The following FANCI variants were observed in gnomAD, a reference collection of about 807,000 sequenced individuals.
FANCI encodes the protein Fanconi anemia group I protein.
FANCI carries 156 observed loss-of-function variants against 176.1 expected under a neutral mutation model. The observed-to-expected ratio is 0.89, with a 90% confidence interval of 0.78 to 1.01. FANCI has a LOEUF of 1.01. Among genes scored for constraint, FANCI ranks in the 50% least tolerant of loss-of-function variants. The pLI is 0.00. For synonymous variants in FANCI, 613 were observed against 541.7 expected, an observed-to-expected ratio of 1.13 and a Z score of -1.83; for missense variants, 1,678 against 1,534.1, an observed-to-expected ratio of 1.09 and a Z score of -1.57.
At position 89,283,237 on chromosome 15, in the gene FANCI, T is replaced by G; in HGVS notation, c.1685T>G (p.Leu562Arg). The G allele has an allele frequency of 6.2e-7, 1 of 1,613,998 alleles. No individual in the cohort carries two copies. The highest frequency in any genetic ancestry group is 8.5e-7 in the Non-Finnish European group (1 of 1,179,844). The change falls in exon 17 of 38, where the codon CTC (leucine) becomes CGC (arginine). Residue 562 changes from leucine (L) to arginine (R), a missense_variant. This residue lies in a region of FANCI where 1,204 missense variants were observed against 1,077.4 expected (regional missense o/e 1.12). Transcript: ENST00000310775. The part of the protein sequence containing the change: ...SLSSSQCSQS[L>R]SVSQVHVDVH... ...TCATCCTCTCAGTGCAGTCAGTCTC[T>G]CAGTGTCAGTCAGGTAAGGATTATT...
Position 89,299,901 on chromosome 15 carries a change from A to C in FANCI, c.2738A>C (p.Gln913Pro), listed in dbSNP as rs2054464207. Residue 913 changes from glutamine (Q) to proline (P), a missense_variant, in exon 25 of 38, where the codon CAG (glutamine) becomes CCG (proline). By Grantham distance (76) the Gln-to-Pro change is moderately conservative. This residue lies in a region of FANCI where 1,204 missense variants were observed against 1,077.4 expected (regional missense o/e 1.12). Transcript: ENST00000310775. Reference protein sequence around the residue: ...SISLLCLEGLQKIFSAVQQFY... With the variant: ...SISLLCLEGLPKIFSAVQQFY... ...TCACTGCTGTGCTTGGAGGGTTTAC[A>C]GAAAATATTCAGTGCTGTGCAACAG... 1.9e-6 allele frequency: 3 copies of C among 1,614,040 alleles called. No homozygotes were observed. The highest frequency in any genetic ancestry group is 2.2e-5 in the East Asian group (1 of 44,882).
At chr15:89,303,164 C>T (rs970226616) in intron 27 of FANCI, among the ~76,000 whole-genome samples, 3 of 152,206 alleles carry the variant, frequency 2.0e-5, no homozygotes, top group African/African-American at 7.2e-5. Context: ...CTTTTAATAT[C>T]AGTTTGTAGA....
chr15:89,257,067 C>T (rs1368558216), intron 2 of FANCI, among the ~76,000 whole-genome samples: 18 of 152,102 alleles, frequency 1.2e-4, no homozygotes, highest in African/African-American at 2.9e-4. Context: ...CCACCACGCC[C>T]GGCTAATTTT....
At chr15:89,248,544 T>A (rs2052091962) in intron 2 of FANCI, among the ~76,000 whole-genome samples, 1 of 152,180 alleles carries the variant, frequency 6.6e-6, no homozygotes, top group Admixed American at 6.5e-5. Flanking sequence ...TTTGAAATTA[T>A]CCAAGATTGC....
chr15:89,291,784 T>C, intron 20 of FANCI, 70 bp downstream of exon 20: 1 of 1,188,128 alleles, frequency 8.4e-7, no homozygotes, highest in Admixed American at 1.7e-5. Flanking sequence ...TGCAAAGAGA[T>C]ACCTTTCCCT....
intron 32 of FANCI, 141 bp from the exon 33 acceptor site, chr15:89,307,335 G>A: frequency 2.6e-6 from 2 of 772,300 alleles, no homozygotes; most frequent in Non-Finnish European, 4.4e-6. Context: ...GAGGAATAAG[G>A]AAGCTTGTGT....
intron 18 of FANCI, among the ~76,000 whole-genome samples, chr15:89,286,138 A>G (rs1428212550): frequency 1.3e-5 from 2 of 151,978 alleles, no homozygotes; most frequent in Non-Finnish European, 2.9e-5. Flanking sequence ...GATTACAGCC[A>G]TGCACCACCA....
intron 34 of FANCI, among the ~76,000 whole-genome samples, chr15:89,312,565 A>G (rs1257731613): frequency 6.6e-6 from 1 of 152,234 alleles, no homozygotes; most frequent in East Asian, 1.9e-4. Context: ...TAGGCCTGTA[A>G]TCCCAGCACT....
At chr15:89,290,931 CT>C (rs1239075505) in intron 19 of FANCI, among the ~76,000 whole-genome samples, 1 of 152,172 alleles carries the variant, frequency 6.6e-6, no homozygotes, top group African/African-American at 2.4e-5. Flanking sequence ...TGGCCTTAGG[CT>C]TGATCCTATA....
intron 14 of FANCI, among the ~76,000 whole-genome samples, chr15:89,280,903 TATGTC>T (rs2053589185): frequency 2.6e-5 from 4 of 152,214 alleles, no homozygotes; most frequent in Admixed American, 1.3e-4. Context: ...TGCTACTACT[TATGTC>T]TAGGCAGTGT....
At chr15:89,315,140 C>T (rs752955769) in intron 36 of FANCI, 142 bp from the exon 37 acceptor site, 61 of 704,766 alleles carry the variant, frequency 8.7e-5, no homozygotes, top group Non-Finnish European at 1.5e-4. Context: ...TGACCTGAAC[C>T]CCAGCATACA....
chr15:89,271,045 C>A (rs1165729713), intron 10 of FANCI, among the ~76,000 whole-genome samples: 3 of 151,980 alleles, frequency 2.0e-5, no homozygotes, highest in Non-Finnish European at 4.4e-5. Flanking sequence ...GTATTTTGAT[C>A]CAGTCTGTTG....
At chr15:89,288,754 T>C (rs923468552) in intron 18 of FANCI, among the ~76,000 whole-genome samples, 1 of 151,778 alleles carries the variant, frequency 6.6e-6, no homozygotes, top group Non-Finnish European at 1.5e-5. Flanking sequence ...CCCCAAACGA[T>C]TGGGACCATA....
intron 10 of FANCI, among the ~76,000 whole-genome samples, chr15:89,272,979 G>A (rs2088940793): frequency 6.6e-6 from 1 of 152,004 alleles, no homozygotes; most frequent in Non-Finnish European, 1.5e-5. Flanking sequence ...GGGACTTACT[G>A]TTAAATAGGC....
intron 37 of FANCI, among the ~76,000 whole-genome samples, chr15:89,315,805 C>T (rs1265758537): frequency 6.6e-6 from 1 of 152,198 alleles, no homozygotes; most frequent in African/African-American, 2.4e-5. Flanking sequence ...GTCCTTTTCC[C>T]TTGTGGTTTG....
chr15:89,282,841 C>G (rs1275337191), intron 16 of FANCI: 1 of 388,292 alleles, frequency 2.6e-6, no homozygotes, highest in Non-Finnish European at 4.9e-6. Flanking sequence ...GAGTAACCAG[C>G]CAATTTTACA....
chr15:89,316,596 A>G lies in FANCI; in HGVS notation c.*137A>G. The G allele has an allele frequency of 1.8e-6, 2 of 1,102,306 alleles. No individual in the cohort carries two copies. Among genetic ancestry groups the G allele is most frequent in the Non-Finnish European group, 2.7e-6 (2 of 733,432 alleles). The allele number at this position is 1,102,306 out of a possible 1,614,324, so 68.3% of individuals were successfully genotyped here. A position where few individuals can be genotyped will look rare whatever the true frequency, so the allele number is the denominator to read the frequency against. On this transcript the variant is annotated 3_prime_UTR_variant, in exon 38 of 38. Transcript: ENST00000310775. The stretch of plus-strand genomic sequence containing the variant: ...ACCCACTGAATTCAACTGCACCTTC[A>G]GTTAGAAGGAATCTTCTTGGCAGGT...
chr15:89,294,260 G>A lies in FANCI; in HGVS notation c.2456+263G>A, dbSNP rs28677848. ...AGCAGGGTGTTTTAAGAAAATCTATGTAAGTAGCTTGTACAAGATAACAGA... is the reference window on the plus strand; with the variant it reads ...AGCAGGGTGTTTTAAGAAAATCTATATAAGTAGCTTGTACAAGATAACAGA... On this transcript the variant is annotated intron_variant, in intron 23 of 37. Transcript: ENST00000310775. 0.075 allele frequency among the ~76,000 whole-genome samples: 11,422 copies of A among 152,168 alleles called. 1,252 individuals are homozygous for A. Among genetic ancestry groups the A allele is most frequent in the African/African-American group, 0.24 (10,042 of 41,460 alleles).
At chr15:89,300,435 G>T (rs1248885581) in intron 26 of FANCI, 50 bp downstream of exon 26, 1 of 1,538,658 alleles carries the variant, frequency 6.5e-7, no homozygotes, top group Non-Finnish European at 9.0e-7. Flanking sequence ...CTTTGCAAAG[G>T]AACTGTTAGC....
Sources: gnomAD v4.1 joint callset for allele counts (sites outside exome capture counted in the v4.1 genomes callset) on GRCh38, gnomAD v4.1.1 for gene constraint, gnomAD v4.1.1 regional missense constraint, MANE v1.5 for transcripts, NCBI Gene and HGNC (gene_info 2026-07-23, HGNC 2026-07-21) for gene names.